The following RERG variants were observed in gnomAD, a reference collection of about 807,000 sequenced individuals.
RERG encodes ras-related and estrogen-regulated growth inhibitor.
A neutral mutation model predicts 23.2 loss-of-function variants in RERG; 25 were observed. The ratio of observed to expected loss-of-function variants is 1.08; its 90% CI spans 0.79 to 1.50. The LOEUF (loss-of-function observed/expected upper bound fraction) is 1.50. RERG is among the 40% of genes most tolerant of loss of function. The pLI is 0.00. For synonymous variants in RERG, 81 were observed against 89.1 expected, an observed-to-expected ratio of 0.91 and a Z score of 0.51; for missense variants, 253 against 250.1, an observed-to-expected ratio of 1.01 and a Z score of -0.08.
At chr12:15,139,362 G>T (rs1864197513) in intron 2 of RERG, among the ~76,000 whole-genome samples, 1 of 152,010 alleles carries the variant, frequency 6.6e-6, no homozygotes, top group Non-Finnish European at 1.5e-5. Flanking sequence ...TACAAAATCA[G>T]TTGCTGGGAT....
chr12:15,149,999 T>C (rs1367050024), intron 2 of RERG, among the ~76,000 whole-genome samples: 2 of 152,140 alleles, frequency 1.3e-5, no homozygotes, highest in African/African-American at 4.8e-5. Context: ...ATATGCAGGG[T>C]ATAGACAGTG....
intron 1 of RERG, chr12:15,218,185 A>G (rs780035548): frequency 1.3e-5 from 2 of 152,232 alleles, no homozygotes; most frequent in Non-Finnish European, 2.9e-5. Flanking sequence ...TTACATTTCT[A>G]TATTTTGCTG....
chr12:15,201,665 TA>T (rs1242842998), intron 2 of RERG, among the ~76,000 whole-genome samples: 8 of 149,320 alleles, frequency 5.4e-5, no homozygotes, highest in South Asian at 2.1e-4. Flanking sequence ...TTATTAGTAA[TA>T]ATAGTAATTA....
At chr12:15,160,632 T>C (rs1203172027) in intron 2 of RERG, among the ~76,000 whole-genome samples, 1 of 152,186 alleles carries the variant, frequency 6.6e-6, no homozygotes, top group Non-Finnish European at 1.5e-5. Context: ...ATAAAATACT[T>C]TGCATATGAA....
At chr12:15,208,917 T>C (rs1486809475) in intron 2 of RERG, among the ~76,000 whole-genome samples, 1 of 151,740 alleles carries the variant, frequency 6.6e-6, no homozygotes, top group African/African-American at 2.4e-5. Flanking sequence ...CCTCCTCTCC[T>C]TTTTGACTGC....
At chr12:15,171,532 C>T (rs958974202) in intron 2 of RERG, among the ~76,000 whole-genome samples, 2 of 151,870 alleles carry the variant, frequency 1.3e-5, no homozygotes, top group Non-Finnish European at 2.9e-5. Flanking sequence ...CTGAGTGGGG[C>T]GGGAGCACAA....
chr12:15,111,330 A>G lies in RERG; in HGVS notation c.192+14T>C, dbSNP rs1863609987. On this transcript the variant is annotated intron_variant, in intron 4 of 4. Coordinates refer to ENST00000256953, the MANE Select transcript of RERG (RefSeq NM_032918.3). Reference sequence around the variant, plus strand: ...TTGATCCAGAAAAATATTTTAGCTGAACTCTTTATTCACCTGACCAGCAGT... The same window carrying G: ...TTGATCCAGAAAAATATTTTAGCTGGACTCTTTATTCACCTGACCAGCAGT... The G allele has an allele frequency of 6.3e-7, 1 of 1,582,518 alleles. No individual in the cohort carries two copies. Among genetic ancestry groups the G allele is most frequent in the Non-Finnish European group, 8.6e-7 (1 of 1,157,852 alleles).
chr12:15,194,123 G>A (rs1255919370), intron 2 of RERG, among the ~76,000 whole-genome samples: 2 of 152,116 alleles, frequency 1.3e-5, no homozygotes, highest in Non-Finnish European at 2.9e-5. Context: ...AACCTTCAGG[G>A]GATTGTGCTA....
chr12:15,127,025 C>A (rs1863961008), intron 2 of RERG, among the ~76,000 whole-genome samples: 1 of 152,070 alleles, frequency 6.6e-6, no homozygotes, highest in African/African-American at 2.4e-5. Context: ...GCCCAGATAG[C>A]ATTTCTACCT....
At chr12:15,163,913 G>GAGAGAGAGGAGAGT (rs1864649616) in intron 2 of RERG, among the ~76,000 whole-genome samples, 1 of 152,288 alleles carries the variant, frequency 6.6e-6, no homozygotes, top group Non-Finnish European at 1.5e-5. Flanking sequence ...GTAGGGCGGA[G>GAGAGAGAGGAGAGT]AGAGAGAGGA....
At chr12:15,122,132 A>T (rs1236399072) in intron 2 of RERG, among the ~76,000 whole-genome samples, 1 of 152,148 alleles carries the variant, frequency 6.6e-6, no homozygotes, top group Non-Finnish European at 1.5e-5. Context: ...TTGGCATATA[A>T]TTTAGCAGGC....
chr12:15,123,163 A>T (rs1863868287), intron 2 of RERG, among the ~76,000 whole-genome samples: 1 of 152,212 alleles, frequency 6.6e-6, no homozygotes, highest in African/African-American at 2.4e-5. Flanking sequence ...TGATGAAAAA[A>T]TGAGCTTAAT....
At chr12:15,170,045 A>G (rs1864755906) in intron 2 of RERG, among the ~76,000 whole-genome samples, 1 of 151,670 alleles carries the variant, frequency 6.6e-6, no homozygotes, top group Non-Finnish European at 1.5e-5. Context: ...TTGTATTTCT[A>G]ATTGTTATAA....
At chr12:15,179,490 A>T (rs1864895426) in intron 2 of RERG, among the ~76,000 whole-genome samples, 1 of 152,186 alleles carries the variant, frequency 6.6e-6, no homozygotes. Flanking sequence ...CTCCCACCCC[A>T]CAGTGCTGCA....
intron 2 of RERG, among the ~76,000 whole-genome samples, chr12:15,216,474 T>A (rs1865442257): frequency 6.6e-6 from 1 of 152,188 alleles, no homozygotes; most frequent in African/African-American, 2.4e-5. Flanking sequence ...TAAAAAGCAA[T>A]TATGTGTATT....
intron 2 of RERG, among the ~76,000 whole-genome samples, chr12:15,168,440 A>G (rs923120804): frequency 6.6e-6 from 1 of 152,190 alleles, no homozygotes; most frequent in African/African-American, 2.4e-5. Flanking sequence ...GGGGCCAATA[A>G]TCTGTGCCTG....
At chr12:15,181,630 T>C (rs1437598752) in intron 2 of RERG, among the ~76,000 whole-genome samples, 1 of 152,222 alleles carries the variant, frequency 6.6e-6, no homozygotes, top group Non-Finnish European at 1.5e-5. Flanking sequence ...AATTAATTAC[T>C]ATATGTAAAT....
In RERG at chr12:15,128,641, G is replaced by A. The variant is rs559314433; in HGVS notation, c.62-7522C>T. On this transcript the variant is annotated intron_variant, in intron 2 of 4. Transcript: ENST00000256953. The stretch of plus-strand genomic sequence containing the variant: ...TAAAAGGGAGGCCAGATTGAGGTGA[G>A]CTGGACTCACTCAAGTGCCTCACAG... 2.6e-5 allele frequency among the ~76,000 whole-genome samples: 4 copies of A among 152,324 alleles called. No individual in the cohort carries two copies. In the East Asian group the frequency reaches 7.7e-4, roughly 29 times the overall value.
chr12:15,197,923 A>G (rs1865166303), intron 2 of RERG, among the ~76,000 whole-genome samples: 2 of 152,126 alleles, frequency 1.3e-5, no homozygotes, highest in African/African-American at 4.8e-5. Context: ...CTTTTGCCCA[A>G]GGAGACTGGC....
Sources: allele counts gnomAD v4.1 joint callset (sites outside exome capture counted in the v4.1 genomes callset), GRCh38; gene constraint gnomAD v4.1.1; transcripts MANE v1.5; gene names NCBI Gene and HGNC (gene_info 2026-07-23, HGNC 2026-07-21).